Variants in RAB3C observed in about 807,000 individuals in gnomAD.
The protein encoded by RAB3C is ras-related protein Rab-3C.
Under a neutral mutation model 26.4 loss-of-function variants are expected in RAB3C, and 17 were observed. The ratio of observed to expected loss-of-function variants is 0.64; its 90% CI spans 0.44 to 0.97. RAB3C has a LOEUF of 0.97. Among genes scored for constraint, RAB3C ranks in the 50% least tolerant of loss-of-function variants. RAB3C has a pLI of 0.00. For missense variants in RAB3C, 242 were observed against 281.9 expected, an observed-to-expected ratio of 0.86 and a Z score of 1.01; for synonymous variants, 91 against 95.9, an observed-to-expected ratio of 0.95 and a Z score of 0.30.
At chr5:58,596,782 AAT>A (rs1486989321) in intron 1 of RAB3C, among the ~76,000 whole-genome samples, 65 of 104,062 alleles carry the variant, frequency 6.2e-4, no homozygotes, top group African/African-American at 2.6e-3. Flanking sequence ...TATAATACAT[AAT>A]ATATTATATA....
intron 2 of RAB3C, among the ~76,000 whole-genome samples, chr5:58,706,353 A>G (rs972144933): frequency 7.9e-5 from 12 of 152,194 alleles, no homozygotes; most frequent in Non-Finnish European, 1.6e-4. Flanking sequence ...TTATTTAGAA[A>G]TAAGTGGCTA....
intron 3 of RAB3C, among the ~76,000 whole-genome samples, chr5:58,757,876 C>G (rs937794400): frequency 4.6e-5 from 7 of 152,182 alleles, no homozygotes; most frequent in African/African-American, 1.7e-4. Flanking sequence ...GCCATCAGCT[C>G]TCAGAATTCT....
chr5:58,715,169 A>G (rs540905369), intron 2 of RAB3C, among the ~76,000 whole-genome samples: 1 of 151,590 alleles, frequency 6.6e-6, no homozygotes, highest in Non-Finnish European at 1.5e-5. Context: ...ATTAAATTAT[A>G]CTTTTGTCTT....
At chr5:58,828,876 C>A (rs188328564) in intron 4 of RAB3C, among the ~76,000 whole-genome samples, 1 of 149,872 alleles carries the variant, frequency 6.7e-6, no homozygotes, top group African/African-American at 2.5e-5. Context: ...GAACATTACC[C>A]TATAGCTGGT....
chr5:58,678,025 A>G (rs1011080685), intron 2 of RAB3C, among the ~76,000 whole-genome samples: 1 of 131,114 alleles, frequency 7.6e-6, no homozygotes, highest in Admixed American at 7.6e-5. Flanking sequence ...TGTGTGTTCA[A>G]GGTACATATG....
At chr5:58,815,409 C>T (rs1315714049) in intron 3 of RAB3C, among the ~76,000 whole-genome samples, 1 of 152,158 alleles carries the variant, frequency 6.6e-6, no homozygotes, top group African/African-American at 2.4e-5. Flanking sequence ...CCTAAGATAT[C>T]CTCATCCTAT....
At chr5:58,737,569 C>A (rs1741178229) in intron 3 of RAB3C, among the ~76,000 whole-genome samples, 1 of 151,438 alleles carries the variant, frequency 6.6e-6, no homozygotes, top group Non-Finnish European at 1.5e-5. Flanking sequence ...TAGTCCCTGG[C>A]ATGTACTAGG....
At chr5:58,582,379 T>C, upstream of RAB3C, 1 of 985,368 alleles carries the variant, frequency 1.0e-6, no homozygotes, top group Non-Finnish European at 1.2e-6. Context: ...CTTGAGAATT[T>C]CTGAACCTCG....
chr5:58,682,487 AC>A (rs1288673267), intron 2 of RAB3C, among the ~76,000 whole-genome samples: 2 of 152,008 alleles, frequency 1.3e-5, no homozygotes, highest in East Asian at 3.9e-4. Context: ...GATCGAGACC[AC>A]CCTGGCTAAC....
intron 4 of RAB3C, among the ~76,000 whole-genome samples, chr5:58,850,950 C>A (rs1368549996): frequency 2.0e-5 from 3 of 152,168 alleles, no homozygotes; most frequent in African/African-American, 7.2e-5. Context: ...ACCAATTCCA[C>A]TTTATAACTC....
At chr5:58,642,508 A>G (rs1194210615) in intron 2 of RAB3C, among the ~76,000 whole-genome samples, 3 of 152,214 alleles carry the variant, frequency 2.0e-5, no homozygotes, top group Non-Finnish European at 2.9e-5. Context: ...CCAGGCCTCA[A>G]TAAAATTTTA....
At chr5:58,748,915 G>A (rs1027567528) in intron 3 of RAB3C, among the ~76,000 whole-genome samples, 1 of 152,140 alleles carries the variant, frequency 6.6e-6, no homozygotes, top group African/African-American at 2.4e-5. Flanking sequence ...TGGCAGTTAA[G>A]AAGTGAATTT....
intron 3 of RAB3C, among the ~76,000 whole-genome samples, chr5:58,772,485 G>C (rs534887743): frequency 6.6e-6 from 1 of 152,156 alleles, no homozygotes; most frequent in Non-Finnish European, 1.5e-5. Context: ...GCACCACAGT[G>C]ATGCAGCAGC....
intron 3 of RAB3C, among the ~76,000 whole-genome samples, chr5:58,792,500 A>G (rs1742550204): frequency 6.6e-6 from 1 of 152,310 alleles, no homozygotes; most frequent in African/African-American, 2.4e-5. Flanking sequence ...GAGGAGAGCA[A>G]CAGATGCAAA....
chr5:58,714,586 C>G (rs142448355), intron 2 of RAB3C, among the ~76,000 whole-genome samples: 6 of 151,996 alleles, frequency 3.9e-5, no homozygotes, highest in Non-Finnish European at 7.4e-5. Flanking sequence ...AAGTGTCTGA[C>G]TTAGGGAGTA....
intron 3 of RAB3C, among the ~76,000 whole-genome samples, chr5:58,743,747 G>T (rs918238785): frequency 6.6e-6 from 1 of 152,096 alleles, no homozygotes; most frequent in Admixed American, 6.5e-5. Context: ...ACAGCATCAG[G>T]ATTTTTAAAA....
chr5:58,817,676 C>G (rs1743246951), intron 3 of RAB3C, among the ~76,000 whole-genome samples: 1 of 152,142 alleles, frequency 6.6e-6, no homozygotes, highest in Non-Finnish European at 1.5e-5. Context: ...GCCCTGATAG[C>G]ATATACAAAT....
chr5:58,666,041 A>T (rs1339134811), intron 2 of RAB3C, among the ~76,000 whole-genome samples: 1 of 152,164 alleles, frequency 6.6e-6, no homozygotes, highest in South Asian at 2.1e-4. Flanking sequence ...CTGCAAATTC[A>T]TCTGTTTCTG....
chr5:58,857,893 A>G lies in RAB3C; in HGVS notation c.*6542A>G, dbSNP rs1744298881. The G allele has an allele frequency of 6.6e-6, 1 of 152,204 alleles. No individual in the cohort carries two copies. The highest frequency in any genetic ancestry group is 2.4e-5 in the African/African-American group (1 of 41,452). 9.4% of individuals were successfully genotyped at this position (152,204 alleles called of 1,614,324 possible). Reference sequence around the variant, plus strand: ...GTTGCTAGATAACGAAAAGCTATAAATGTTTATGTATGTGAATTTTAAATT... The same window carrying G: ...GTTGCTAGATAACGAAAAGCTATAAGTGTTTATGTATGTGAATTTTAAATT... On this transcript the variant is annotated 3_prime_UTR_variant, in exon 5 of 5. Transcript: ENST00000282878.
Sources: allele counts gnomAD v4.1 joint callset (sites outside exome capture counted in the v4.1 genomes callset), GRCh38; gene constraint gnomAD v4.1.1; transcripts MANE v1.5; gene names NCBI Gene and HGNC (gene_info 2026-07-23, HGNC 2026-07-21).